Variants in ST7L observed in about 807,000 individuals in gnomAD.
The protein encoded by ST7L is suppression of tumorigenicity 7 like.
Under a neutral mutation model 72.5 loss-of-function variants are expected in ST7L, and 57 were observed. The ratio of observed to expected loss-of-function variants is 0.79; its 90% confidence interval spans 0.64 to 0.98. ST7L has a LOEUF of 0.98. ST7L is among the 50% of genes least tolerant of loss of function. The pLI is 0.00. For missense variants in ST7L, 576 were observed against 672.2 expected (o/e 0.86, Z 1.58); for synonymous variants, 221 against 240.9 (o/e 0.92, Z 0.77).
At chr1:112,617,379 C>T (rs1258047891) in intron 1 of ST7L, 1 of 154,056 alleles carries the variant, frequency 6.5e-6, no homozygotes. Context: ...TTTTTCACTT[C>T]AAATAATTAT....
intron 10 of ST7L, 34 bp from the exon 11 acceptor site, chr1:112,577,122 T>C (rs914848534): frequency 2.8e-6 from 4 of 1,420,682 alleles, no homozygotes; most frequent in Admixed American, 4.2e-5. Context: ...AAAATAAATA[T>C]GCTAAAAAAA....
intron 14 of ST7L, among the ~76,000 whole-genome samples, chr1:112,533,210 T>C (rs1654664910): frequency 6.6e-6 from 1 of 152,218 alleles, no homozygotes; most frequent in Non-Finnish European, 1.5e-5. Flanking sequence ...CAGTAACGTT[T>C]GAGTATGCAA....
rs553724232 is a variant in ST7L at position 112,543,429 on chromosome 1, T to C, written c.1490-1339A>G. On this transcript the variant is annotated intron_variant, in intron 13 of 14. Transcript: ENST00000358039. ...TGGGCGTGGTGACACGCGCCTATAGTCCCAGCTACTCAGGAAGGCTGAGCA... is the reference window on the plus strand; with the variant it reads ...TGGGCGTGGTGACACGCGCCTATAGCCCCAGCTACTCAGGAAGGCTGAGCA... Among the ~76,000 whole-genome samples the C allele has an allele frequency of 2.6e-5, 4 of 152,208 alleles. No individual in the cohort carries two copies. In the South Asian group the frequency reaches 8.3e-4, roughly 32 times the overall value.
At chr1:112,566,759 TTA>T (rs1194786297) in intron 11 of ST7L, among the ~76,000 whole-genome samples, 1 of 152,216 alleles carries the variant, frequency 6.6e-6, no homozygotes, top group African/African-American at 2.4e-5. Context: ...AAGTACTTGT[TTA>T]TATGTCATAT....
intron 5 of ST7L, among the ~76,000 whole-genome samples, chr1:112,595,370 GAAA>G (rs67553307): frequency 2.1e-4 from 11 of 52,024 alleles, no homozygotes; most frequent in Non-Finnish European, 3.6e-4. Flanking sequence ...GGTCTCAAAA[GAAA>G]AAAAAAAAAA....
intron 3 of ST7L, among the ~76,000 whole-genome samples, chr1:112,606,511 T>C (rs905723601): frequency 1.3e-5 from 2 of 152,296 alleles, no homozygotes; most frequent in African/African-American, 4.8e-5. Context: ...AAACTGTCCT[T>C]ATCCATATTT....
chr1:112,525,857 AT>A lies in ST7L; in HGVS notation c.*155del. The A allele has an allele frequency of 9.7e-7, 1 of 1,029,640 alleles. No individual in the cohort carries two copies. The highest frequency in any genetic ancestry group is 1.3e-6 in the Non-Finnish European group (1 of 743,796). The allele number at this position is 1,029,640 out of a possible 1,614,324, so 63.8% of individuals were successfully genotyped here. A position where few individuals can be genotyped will look rare whatever the true frequency, so the allele number is the denominator to read the frequency against. On this transcript the variant is annotated 3_prime_UTR_variant, in exon 15 of 15. Coordinates refer to ENST00000358039, the MANE Select transcript of ST7L (RefSeq NM_017744.5). The stretch of plus-strand genomic sequence containing the variant: ...GCTTCCAAGGGGGGTTTGCCTAGGA[AT>A]AACAATATTCATAAGAAGCTTTTTC...
In ST7L at chr1:112,525,876, GC is replaced by G; in HGVS notation, c.*136del. 1 of 1,227,194 alleles carries G rather than the reference GC, an allele frequency of 8.1e-7. No homozygotes were observed. Among genetic ancestry groups the G allele is most frequent in the South Asian group, 1.9e-5 (1 of 54,002 alleles). The allele number at this position is 1,227,194 out of a possible 1,614,324, so 76.0% of individuals were successfully genotyped here. A position where few individuals can be genotyped will look rare whatever the true frequency, so the allele number is the denominator to read the frequency against. On this transcript the variant is annotated 3_prime_UTR_variant, in exon 15 of 15. Coordinates refer to ENST00000358039, the MANE Select transcript of ST7L (RefSeq NM_017744.5). ...CTAGGAATAACAATATTCATAAGAA[GC>G]TTTTTCATATGCAAAATGCTTTAGC...
intron 13 of ST7L, among the ~76,000 whole-genome samples, chr1:112,543,891 A>AAAAC (rs397981264): frequency 2.7e-5 from 4 of 150,172 alleles, no homozygotes; most frequent in African/African-American, 9.8e-5. Flanking sequence ...AAAAAAAAAA[A>AAAAC]CCTAAACTAG....
At chr1:112,616,452 A>G (rs903313458) in intron 2 of ST7L, among the ~76,000 whole-genome samples, 1 of 152,192 alleles carries the variant, frequency 6.6e-6, no homozygotes, top group East Asian at 1.9e-4. Context: ...AACCATATAA[A>G]GGATCTTTAG....
intron 11 of ST7L, among the ~76,000 whole-genome samples, chr1:112,559,542 C>T (rs1213008195): frequency 6.6e-6 from 1 of 151,822 alleles, no homozygotes; most frequent in African/African-American, 2.4e-5. Flanking sequence ...AAAAAAAATA[C>T]TTTTTTAAAC....
intron 2 of ST7L, among the ~76,000 whole-genome samples, chr1:112,613,395 C>T (rs1669369512): frequency 1.3e-5 from 2 of 152,108 alleles, no homozygotes; most frequent in South Asian, 4.1e-4. Flanking sequence ...ACACACATTC[C>T]AAATTTAAAT....
chr1:112,543,761 TG>T (rs1370738445), intron 13 of ST7L, among the ~76,000 whole-genome samples: 3 of 146,682 alleles, frequency 2.0e-5, no homozygotes, highest in African/African-American at 7.6e-5. Flanking sequence ...CACAGCTACT[TG>T]GGAGGCTGAG....
At chr1:112,583,848 A>G (rs572815544) in intron 7 of ST7L, 124 bp downstream of exon 7, 1 of 1,079,568 alleles carries the variant, frequency 9.3e-7, no homozygotes, top group African/African-American at 1.6e-5. Flanking sequence ...TGAATAGATT[A>G]GTTATTTCCA....
chr1:112,556,966 C>CAAAAAAA lies in ST7L; in HGVS notation c.1246-955_1246-949dup, dbSNP rs60106072. On this transcript the variant is annotated intron_variant, in intron 11 of 14. Coordinates refer to ENST00000358039, the MANE Select transcript of ST7L (RefSeq NM_017744.5). The stretch of plus-strand genomic sequence containing the variant: ...CTGGCGACAGAGCGAGACTCTGTCT[C>CAAAAAAA]AAAAAAAAAAAAAAAAAACAAAAAA... Among the ~76,000 whole-genome samples, 59 of 49,460 alleles carry CAAAAAAA rather than the reference C, an allele frequency of 1.2e-3. 2 individuals carry two copies. The highest frequency in any genetic ancestry group is 1.4e-3 in the Non-Finnish European group (35 of 24,216). The allele number at this position is 49,460 out of a possible 152,430, so 32.4% of individuals were successfully genotyped here. A position where few individuals can be genotyped will look rare whatever the true frequency, so the allele number is the denominator to read the frequency against.
chr1:112,589,866 A>G (rs1665425673), intron 6 of ST7L, among the ~76,000 whole-genome samples: 1 of 152,170 alleles, frequency 6.6e-6, no homozygotes, highest in Non-Finnish European at 1.5e-5. Flanking sequence ...GTCTTTTCTG[A>G]GCATATGCCC....
At position 112,616,797 on chromosome 1, in the gene ST7L, A is replaced by C; in HGVS notation, c.288+16T>G. On this transcript the variant is annotated intron_variant, in intron 2 of 14. Transcript: ENST00000358039. ...TAAACACCAAAACATGAAGGAAGGA[A>C]ATGGAAACTACTTACAAATATTAGT... 6.5e-7 allele frequency: 1 copy of C among 1,548,114 alleles called. No individual in the cohort carries two copies. Among genetic ancestry groups the C allele is most frequent in the East Asian group, 2.3e-5 (1 of 43,950 alleles).
At chr1:112,570,545 G>GTATATATATATATATATATA (rs71584748) in intron 11 of ST7L, among the ~76,000 whole-genome samples, 68 of 130,806 alleles carry the variant, frequency 5.2e-4, no homozygotes, top group East Asian at 1.0e-3. Context: ...AATAAAAGAT[G>GTATATATATATATATATATA]TATATATATA....
At chr1:112,532,516 C>T (rs1394162026) in intron 14 of ST7L, among the ~76,000 whole-genome samples, 4 of 152,178 alleles carry the variant, frequency 2.6e-5, no homozygotes, top group Non-Finnish European at 5.9e-5. Flanking sequence ...CTCCAACTGT[C>T]CCCTAAGCTG....
Sources: gnomAD v4.1 joint callset for allele counts (sites outside exome capture counted in the v4.1 genomes callset) on GRCh38, gnomAD v4.1.1 for gene constraint, MANE v1.5 for transcripts, NCBI Gene and HGNC (gene_info 2026-07-23, HGNC 2026-07-21) for gene names.